NRXN1: variants seen among roughly 807,000 people sequenced by gnomAD.
NRXN1 encodes the protein neurexin 1.
Under a neutral mutation model 150.9 loss-of-function variants are expected in NRXN1, and 39 were observed. The observed-to-expected ratio is 0.26, with a 90% CI of 0.20 to 0.34. NRXN1 has a LOEUF of 0.34. Among genes scored for constraint, NRXN1 ranks in the 10% least tolerant of loss-of-function variants. The pLI is 1.00. For missense variants in NRXN1, 1,815 were observed against 1,949.9 expected (o/e 0.93, Z 1.30); for synonymous variants, 924 against 757.0 (o/e 1.22, Z -3.62).
chr2:50,474,025 C>G (rs1463868241), intron 15 of NRXN1, among the ~76,000 whole-genome samples: 1 of 150,448 alleles, frequency 6.6e-6, no homozygotes, highest in Non-Finnish European at 1.5e-5. Context: ...ATTGAAAGTA[C>G]TGGATGTATT....
Position 50,820,347 on chromosome 2 carries a change from C to A in NRXN1, c.832+101522G>T, listed in dbSNP as rs369348082. Among the ~76,000 whole-genome samples the A allele has an allele frequency of 2.6e-5, 4 of 152,174 alleles. No homozygotes were observed. The East Asian group carries it at 5.8e-4, about 22-fold the overall frequency. ...ACTTCCTGCACAGGTGTTGTGTGTC[C>A]CATAATCTCATTGCTTGAGTGATTT... On this transcript the variant is annotated intron_variant, in intron 5 of 22. Coordinates refer to ENST00000401669, the MANE Select transcript of NRXN1 (RefSeq NM_001330078.2).
chr2:50,224,734 A>AGAGAGAGAGAGAGAGAGAGAGAG (rs2064210357), intron 18 of NRXN1, among the ~76,000 whole-genome samples: 1 of 124,940 alleles, frequency 8.0e-6, no homozygotes, highest in African/African-American at 3.0e-5. Context: ...AGAGAGAGAG[A>AGAGAGAGAGAGAGAGAGAGAGAG]ATGGTTAAAT....
intron 17 of NRXN1, among the ~76,000 whole-genome samples, chr2:50,393,574 A>G (rs1435174812): frequency 6.6e-6 from 1 of 152,162 alleles, no homozygotes; most frequent in African/African-American, 2.4e-5. Context: ...CAAAGTCTGG[A>G]TTTTTTGAAA....
intron 15 of NRXN1, among the ~76,000 whole-genome samples, chr2:50,484,351 C>G (rs959444209): frequency 6.6e-6 from 1 of 152,100 alleles, no homozygotes. Context: ...CATCCAGTTG[C>G]TATAGTGTAA....
chr2:50,795,471 C>T (rs1706684986), intron 5 of NRXN1, among the ~76,000 whole-genome samples: 1 of 152,026 alleles, frequency 6.6e-6, no homozygotes, highest in Non-Finnish European at 1.5e-5. Context: ...TGGAAGATTG[C>T]ATTTTCTTTC....
At chr2:50,516,082 T>C (rs2092622756) in intron 12 of NRXN1, among the ~76,000 whole-genome samples, 1 of 152,214 alleles carries the variant, frequency 6.6e-6, no homozygotes, top group African/African-American at 2.4e-5. Flanking sequence ...CTGTTTGTTT[T>C]AATTTTTCAC....
At chr2:50,545,143 G>T (rs2093466941) in intron 9 of NRXN1, among the ~76,000 whole-genome samples, 1 of 152,064 alleles carries the variant, frequency 6.6e-6, no homozygotes, top group African/African-American at 2.4e-5. Context: ...GTATGGTAAG[G>T]GGAAACGCTT....
chr2:50,093,314 T>C (rs941795653), intron 18 of NRXN1, among the ~76,000 whole-genome samples: 5 of 152,054 alleles, frequency 3.3e-5, no homozygotes, highest in Admixed American at 6.6e-5. Context: ...CTAAAGTCTC[T>C]GCAGCTATTA....
intron 19 of NRXN1, among the ~76,000 whole-genome samples, chr2:50,058,779 T>A (rs1363276765): frequency 6.6e-6 from 1 of 152,076 alleles, no homozygotes; most frequent in East Asian, 1.9e-4. Context: ...TCACAAGACC[T>A]GATGGTTTTA....
chr2:50,901,307 G>A lies in NRXN1; in HGVS notation c.832+20562C>T, dbSNP rs531370489. Reference sequence around the variant, plus strand: ...TCCCAGCACTTTGGGAGGCTGAGGCGGGCGGATCACAAGGTCAGGAGATCG... The same window carrying A: ...TCCCAGCACTTTGGGAGGCTGAGGCAGGCGGATCACAAGGTCAGGAGATCG... On this transcript the variant is annotated intron_variant, in intron 5 of 22. Transcript: ENST00000401669. 2.9e-4 allele frequency among the ~76,000 whole-genome samples: 44 copies of A among 152,088 alleles called. 1 individual carries two copies. The highest frequency in any genetic ancestry group is 7.8e-4 in the East Asian group (4 of 5,140).
At chr2:50,892,240 C>T (rs752146759) in intron 5 of NRXN1, among the ~76,000 whole-genome samples, 3 of 151,986 alleles carry the variant, frequency 2.0e-5, no homozygotes, top group Non-Finnish European at 2.9e-5. Flanking sequence ...TGACAGAGAA[C>T]ATGGCATTTA....
chr2:50,278,308 A>C (rs1387749894), intron 17 of NRXN1, among the ~76,000 whole-genome samples: 2 of 123,892 alleles, frequency 1.6e-5, no homozygotes, highest in African/African-American at 6.7e-5. Context: ...TATATATTTT[A>C]TATATATATT....
intron 5 of NRXN1, among the ~76,000 whole-genome samples, chr2:50,793,395 T>C (rs890902736): frequency 7.9e-5 from 12 of 152,266 alleles, no homozygotes; most frequent in African/African-American, 2.9e-4. Flanking sequence ...ACTTACTCTT[T>C]GGCTTTGCCA....
chr2:50,607,598 C>A (rs1677345475), intron 8 of NRXN1, among the ~76,000 whole-genome samples: 1 of 151,872 alleles, frequency 6.6e-6, no homozygotes, highest in Non-Finnish European at 1.5e-5. Context: ...AAACCATGGC[C>A]TAAAAATAAA....
intron 5 of NRXN1, among the ~76,000 whole-genome samples, chr2:50,723,922 G>C (rs1696995012): frequency 6.6e-6 from 1 of 152,140 alleles, no homozygotes; most frequent in Admixed American, 6.5e-5. Flanking sequence ...TCACCAGCTT[G>C]TTAATTCAAC....
rs149766256 is a variant in NRXN1, at chr2:50,446,552, CTCCTTCTT to C, written c.3364+18882_3364+18889del. 7.4e-3 allele frequency among the ~76,000 whole-genome samples: 1,014 copies of C among 137,230 alleles called. 10 individuals carry two copies. Among genetic ancestry groups the C allele is most frequent in the African/African-American group, 0.027 (962 of 36,260 alleles). 90.0% of individuals were successfully genotyped at this position (137,230 alleles called of 152,430 possible). ...TTCCTTCCTTCCCTCCCTTCCTTCCCTCCTTCTTTCCTTCCTTCCTTCTTTCCTCCTTC... is the reference window on the plus strand; with the variant it reads ...TTCCTTCCTTCCCTCCCTTCCTTCCCTCCTTCCTTCCTTCTTTCCTCCTTC... On this transcript the variant is annotated intron_variant, in intron 17 of 22. Transcript: ENST00000401669.
At chr2:50,047,636 C>A (rs1037426) in intron 21 of NRXN1, among the ~76,000 whole-genome samples, 9 of 151,638 alleles carry the variant, frequency 5.9e-5, no homozygotes, top group East Asian at 3.9e-4. Context: ...GAATACTTTA[C>A]GCACATCCAT....
At chr2:50,468,886 T>C (rs964315580) in intron 16 of NRXN1, among the ~76,000 whole-genome samples, 9 of 151,654 alleles carry the variant, frequency 5.9e-5, no homozygotes, top group Non-Finnish European at 1.2e-4. Context: ...GCTGTCACGA[T>C]TAAACAGAAA....
intron 21 of NRXN1, among the ~76,000 whole-genome samples, chr2:49,998,072 A>C (rs1683283179): frequency 6.6e-6 from 1 of 152,184 alleles, no homozygotes; most frequent in Non-Finnish European, 1.5e-5. Context: ...TTTAGCCATC[A>C]AGCAGAAATT....
Sources: allele counts gnomAD v4.1 joint callset (sites outside exome capture counted in the v4.1 genomes callset), GRCh38; gene constraint gnomAD v4.1.1; transcripts MANE v1.5; gene names NCBI Gene and HGNC (gene_info 2026-07-23, HGNC 2026-07-21).